The following SMYD4 variants were observed in gnomAD, a reference collection of about 807,000 sequenced individuals.
SMYD4 encodes protein-lysine N-methyltransferase SMYD4.
Under a neutral mutation model 72.8 loss-of-function variants are expected in SMYD4, and 68 were observed. That is an observed-to-expected ratio of 0.93 (90% CI 0.77 to 1.14). The LOEUF (loss-of-function observed/expected upper bound fraction) is 1.14, where lower values mean the gene tolerates loss of function less well. Among genes scored for constraint, SMYD4 ranks in the 50% most tolerant of loss-of-function variants. The pLI, the probability that SMYD4 is intolerant of heterozygous loss-of-function variation, is 0.00. For synonymous variants in SMYD4, 407 were observed against 388.6 expected (o/e 1.05, Z -0.56); for missense variants, 984 against 1,003.7 (o/e 0.98, Z 0.27).
chr17:1,797,923 A>G (rs1909491596), intron 5 of SMYD4, among the ~76,000 whole-genome samples: 1 of 151,600 alleles, frequency 6.6e-6, no homozygotes, highest in African/African-American at 2.4e-5. Context: ...AATCGCTTGA[A>G]CCTGGCAGAC....
At position 1,787,710 on chromosome 17, in the gene SMYD4, T is replaced by A. The variant is rs145165200; in HGVS notation, c.1538-106A>T. On this transcript the variant is annotated intron_variant, in intron 5 of 10. Transcript: ENST00000305513. ...TGGGCAGCTAGGCCTGCAGCCCGTG[T>A]GAGTCATGGCTCCACAGCCAGATCC... 4.4e-4 allele frequency: 507 copies of A among 1,159,392 alleles called. 5 individuals are homozygous for A. In the East Asian group the frequency reaches 0.012, roughly 27 times the overall value. The allele number at this position is 1,159,392 out of a possible 1,614,324, so 71.8% of individuals were successfully genotyped here.
At position 1,799,904 on chromosome 17, in the gene SMYD4, A is replaced by G. The variant is rs1181900425; in HGVS notation, c.1490T>C (p.Leu497Ser). The G allele has an allele frequency of 6.2e-7, 1 of 1,613,274 alleles. No homozygotes were observed. The highest frequency in any genetic ancestry group is 8.5e-7 in the Non-Finnish European group (1 of 1,179,556). Residue 497 changes from leucine to serine, a missense_variant, in exon 5 of 11, where the codon TTA (leucine) becomes TCA (serine). Coordinates refer to ENST00000305513, the MANE Select transcript of SMYD4 (RefSeq NM_052928.3). ...IWGVAMLRHMLQLQCNAQAMT... is the reference protein window; with the variant it reads ...IWGVAMLRHMSQLQCNAQAMT... Reference sequence around the variant, plus strand: ...CGCCTGAGCGTTACACTGAAGCTGTAACATGTGTCTCAGCATCGCCACTCC... The same window carrying G: ...CGCCTGAGCGTTACACTGAAGCTGTGACATGTGTCTCAGCATCGCCACTCC...
rs1597407826 is a variant in SMYD4, at chr17:1,829,867, G to A, written c.-154C>T. 5.6e-6 allele frequency: 2 copies of A among 359,024 alleles called. No individual in the cohort carries two copies. The highest frequency in any genetic ancestry group is 4.7e-5 in the East Asian group (1 of 21,178). 22.2% of individuals were successfully genotyped at this position (359,024 alleles called of 1,614,324 possible). A position where few individuals can be genotyped will look rare whatever the true frequency, so the allele number is the denominator to read the frequency against. On this transcript the variant is annotated 5_prime_UTR_variant, in exon 1 of 11. Coordinates refer to ENST00000305513, the MANE Select transcript of SMYD4 (RefSeq NM_052928.3). ...CCCCGCTCCGCCCCGCACCGCGTCCGGCGTCCCGCGCCAGGCCTCGCTTGG... is the reference window on the plus strand; with the variant it reads ...CCCCGCTCCGCCCCGCACCGCGTCCAGCGTCCCGCGCCAGGCCTCGCTTGG...
chr17:1,819,579 A>C (rs547614091), intron 2 of SMYD4, among the ~76,000 whole-genome samples: 101 of 152,296 alleles, frequency 6.6e-4, no homozygotes, highest in African/African-American at 2.1e-3. Context: ...CCTGTTTCCC[A>C]GTGATGTTAC....
chr17:1,780,657 TG>T lies in SMYD4; in HGVS notation c.*628del, dbSNP rs1415619199. ...TTTTCTTTGAGATGGAGTCTGGCTC[TG>T]TCACCCAGGCTGGAGTGCAGTGGCG... On this transcript the variant is annotated 3_prime_UTR_variant, in exon 11 of 11. Coordinates refer to ENST00000305513, the MANE Select transcript of SMYD4 (RefSeq NM_052928.3). 1.3e-5 allele frequency: 2 copies of T among 151,930 alleles called. No homozygotes were observed. Among genetic ancestry groups the T allele is most frequent in the African/African-American group, 4.8e-5 (2 of 41,258 alleles). 9.4% of individuals were successfully genotyped at this position (151,930 alleles called of 1,614,324 possible).
intron 5 of SMYD4, among the ~76,000 whole-genome samples, chr17:1,793,698 G>A (rs544896272): frequency 4.3e-4 from 65 of 152,144 alleles, no homozygotes; most frequent in Non-Finnish European, 8.2e-4. Flanking sequence ...ATAGGGATGG[G>A]AGAAACTGTG....
At chr17:1,828,117 G>A (rs1911298207) in intron 1 of SMYD4, 111 bp from the exon 2 acceptor site, 16 of 1,005,266 alleles carry the variant, frequency 1.6e-5, no homozygotes, top group South Asian at 3.1e-5. Context: ...TTGGGAAGCC[G>A]AGGTAGGTGG....
chr17:1,797,238 A>G (rs1375799992), intron 5 of SMYD4, among the ~76,000 whole-genome samples: 1 of 152,250 alleles, frequency 6.6e-6, no homozygotes, highest in Non-Finnish European at 1.5e-5. Context: ...CTGTCTATAA[A>G]AACTCGGTTT....
rs751804938 is a variant in SMYD4, at chr17:1,787,539, T to C, written c.1603A>G (p.Ile535Val). 6 of 1,594,672 alleles carry C rather than the reference T, an allele frequency of 3.8e-6. No individual in the cohort carries two copies. The highest frequency in any genetic ancestry group is 1.3e-5 in the African/African-American group (1 of 74,652). The change falls in exon 6 of 11, where the codon ATC (isoleucine) becomes GTC (valine). Residue 535 changes from isoleucine to valine, a missense_variant. Coordinates refer to ENST00000305513, the MANE Select transcript of SMYD4 (RefSeq NM_052928.3). ...VRLATGIFPV[I>V]SLLNHSCSPN... is the part of the protein sequence containing the mutation. ...CTACAGGAGTGGTTCAGGAGGCTGA[T>C]AACAGGGAAGATGCCTGTGGCAAGG...
At chr17:1,783,658 T>C in intron 8 of SMYD4, 182 bp from the exon 9 acceptor site, 1 of 1,148,548 alleles carries the variant, frequency 8.7e-7, no homozygotes, top group South Asian at 1.6e-5. Context: ...CTGTTTTCTC[T>C]GTCAGTGGAG....
intron 2 of SMYD4, among the ~76,000 whole-genome samples, chr17:1,813,697 G>A (rs961254772): frequency 6.6e-6 from 1 of 152,058 alleles, no homozygotes; most frequent in Non-Finnish European, 1.5e-5. Flanking sequence ...TCACAGGTGT[G>A]AGCCACTGTG....
At chr17:1,817,249 GCTGGTCT>G (rs573430008) in intron 2 of SMYD4, among the ~76,000 whole-genome samples, 1 of 152,174 alleles carries the variant, frequency 6.6e-6, no homozygotes, top group East Asian at 1.9e-4. Flanking sequence ...TGTTGGCCAG[GCTGGTCT>G]CAAACTCCAG....
chr17:1,825,030 G>C (rs575402362), intron 2 of SMYD4, among the ~76,000 whole-genome samples: 1 of 152,064 alleles, frequency 6.6e-6, no homozygotes, highest in South Asian at 2.1e-4. Context: ...CACCATGATG[G>C]TAAGTTTCCT....
chr17:1,787,806 C>A (rs1908786700), intron 5 of SMYD4, among the ~76,000 whole-genome samples: 1 of 152,130 alleles, frequency 6.6e-6, no homozygotes. Flanking sequence ...TGAACGCACA[C>A]AAAGTCCACT....
intron 1 of SMYD4, among the ~76,000 whole-genome samples, chr17:1,828,646 G>A (rs1161841121): frequency 6.9e-6 from 1 of 145,126 alleles, no homozygotes; most frequent in Non-Finnish European, 1.5e-5. Flanking sequence ...CACCCAGGCT[G>A]GAGTGCAGTG....
At chr17:1,819,811 A>G (rs539741359) in intron 2 of SMYD4, among the ~76,000 whole-genome samples, 1 of 152,328 alleles carries the variant, frequency 6.6e-6, no homozygotes, top group East Asian at 1.9e-4. Flanking sequence ...GTTTTGAGAC[A>G]GAGTCTCACT....
At chr17:1,784,989 G>A (rs944011661) in intron 7 of SMYD4, among the ~76,000 whole-genome samples, 5 of 148,728 alleles carry the variant, frequency 3.4e-5, no homozygotes, top group East Asian at 2.0e-4. Flanking sequence ...GGGTTTCACC[G>A]TGTAAGCCAG....
intron 4 of SMYD4, chr17:1,804,234 G>A (rs905127791): frequency 2.4e-5 from 5 of 204,336 alleles, no homozygotes; most frequent in East Asian, 1.3e-4. Flanking sequence ...GCAGTGGTGC[G>A]ATCTCGGCTC....
intron 5 of SMYD4, among the ~76,000 whole-genome samples, chr17:1,794,039 A>ATATATACATGTGTG (rs1567770772): frequency 1.5e-5 from 1 of 68,076 alleles, no homozygotes; most frequent in African/African-American, 8.7e-5. Context: ...ATATATATGT[A>ATATATACATGTGTG]TGTATATATA....
Sources: gnomAD v4.1 joint callset for allele counts (sites outside exome capture counted in the v4.1 genomes callset) on GRCh38, gnomAD v4.1.1 for gene constraint, MANE v1.5 for transcripts, NCBI Gene and HGNC (gene_info 2026-07-23, HGNC 2026-07-21) for gene names.